The following ATRN variants were observed in gnomAD, a reference collection of about 807,000 sequenced individuals.
ATRN encodes the protein attractin.
A neutral mutation model predicts 178.7 loss-of-function variants in ATRN; 54 were observed. That is an observed-to-expected ratio of 0.30 (90% confidence interval 0.24 to 0.38). The LOEUF is 0.38. ATRN is among the 10% of genes least tolerant of loss of function. The pLI is 1.00. For synonymous variants in ATRN, 636 were observed against 663.0 expected, an observed-to-expected ratio of 0.96 and a Z score of 0.63; for missense variants, 1,443 against 1,815.1, an observed-to-expected ratio of 0.79 and a Z score of 3.73.
chr20:3,541,669 A>G lies in ATRN; in HGVS notation c.608+1334A>G, dbSNP rs1381270443. On this transcript the variant is annotated intron_variant, in intron 3 of 28. Coordinates refer to ENST00000262919, the MANE Select transcript of ATRN (RefSeq NM_139321.3). ...AGGTACAGAAAAAATACAGTATTACAATCTCATGCAACCTCTGTCATATAT... is the reference window on the plus strand; with the variant it reads ...AGGTACAGAAAAAATACAGTATTACGATCTCATGCAACCTCTGTCATATAT... Among the ~76,000 whole-genome samples, 6 of 152,328 alleles carry G rather than the reference A, an allele frequency of 3.9e-5. No homozygotes were observed. The East Asian group carries it at 7.7e-4, about 20-fold the overall frequency.
chr20:3,495,841 T>C (rs1007681627), intron 1 of ATRN, among the ~76,000 whole-genome samples: 1 of 151,710 alleles, frequency 6.6e-6, no homozygotes, highest in Non-Finnish European at 1.5e-5. Flanking sequence ...AGGGGATCTA[T>C]AAATCTATAA....
At chr20:3,495,722 G>A (rs2084868832) in intron 1 of ATRN, among the ~76,000 whole-genome samples, 1 of 151,650 alleles carries the variant, frequency 6.6e-6, no homozygotes, top group Admixed American at 6.6e-5. Context: ...AAAAGGGAAG[G>A]AGGAATAGCT....
intron 20 of ATRN, 25 bp downstream of exon 20, chr20:3,594,597 C>T: frequency 6.3e-7 from 1 of 1,587,422 alleles, no homozygotes; most frequent in Non-Finnish European, 8.6e-7. Context: ...CCCTGGACCA[C>T]CAGGGAGGAC....
In ATRN at chr20:3,514,000, C is replaced by T. The variant is rs150495161; in HGVS notation, c.411-21253C>T. Reference sequence around the variant, plus strand: ...AGCTTAAGGAGATTTTGGGCTGAGACGATGGGGTTTTCTAGATATACAATC... The same window carrying T: ...AGCTTAAGGAGATTTTGGGCTGAGATGATGGGGTTTTCTAGATATACAATC... On this transcript the variant is annotated intron_variant, in intron 1 of 28. Transcript: ENST00000262919. Among the ~76,000 whole-genome samples, 375 of 152,182 alleles carry T rather than the reference C, an allele frequency of 2.5e-3. 2 individuals are homozygous for T. The highest frequency in any genetic ancestry group is 8.3e-3 in the African/African-American group (346 of 41,514).
chr20:3,572,021 TC>T (rs1477725011), intron 11 of ATRN, among the ~76,000 whole-genome samples: 3 of 152,166 alleles, frequency 2.0e-5, no homozygotes, highest in Non-Finnish European at 4.4e-5. Context: ...TTTATTTTTT[TC>T]CATATGTTTA....
intron 25 of ATRN, among the ~76,000 whole-genome samples, chr20:3,631,572 T>C (rs566366988): frequency 6.6e-6 from 1 of 152,238 alleles, no homozygotes; most frequent in East Asian, 1.9e-4. Context: ...CTGTAGCTTC[T>C]TGTAGCTGGA....
intron 4 of ATRN, 59 bp from the exon 5 acceptor site, chr20:3,547,225 T>G: frequency 1.5e-6 from 2 of 1,333,666 alleles, no homozygotes; most frequent in East Asian, 4.7e-5. Flanking sequence ...GAGGAAGTTA[T>G]GCTAAGTTAA....
intron 3 of ATRN, among the ~76,000 whole-genome samples, chr20:3,544,350 G>T (rs947718485): frequency 6.6e-6 from 1 of 152,078 alleles, no homozygotes; most frequent in South Asian, 2.1e-4. Context: ...GCTGTGGTTC[G>T]CATTCTTGTA....
Position 3,500,075 on chromosome 20 carries a change from A to G in ATRN, c.410+28558A>G, listed in dbSNP as rs2084936137. Among the ~76,000 whole-genome samples the G allele has an allele frequency of 2.0e-5, 3 of 152,234 alleles. No homozygotes were observed. The South Asian group carries it at 6.2e-4, about 31-fold the overall frequency. ...AGACATTTATGCAGCCAAAAAACACATGAAAAAATGCTCACCATCCCTGGC... is the reference window on the plus strand; with the variant it reads ...AGACATTTATGCAGCCAAAAAACACGTGAAAAAATGCTCACCATCCCTGGC... On this transcript the variant is annotated intron_variant, in intron 1 of 28. Coordinates refer to ENST00000262919, the MANE Select transcript of ATRN (RefSeq NM_139321.3).
chr20:3,628,154 A>C (rs1406861370), intron 25 of ATRN, among the ~76,000 whole-genome samples: 1 of 152,220 alleles, frequency 6.6e-6, no homozygotes, highest in Non-Finnish European at 1.5e-5. Context: ...CCTGGGCAAC[A>C]GTGCGAGACT....
At chr20:3,515,637 C>T (rs2085196798) in intron 1 of ATRN, among the ~76,000 whole-genome samples, 1 of 152,144 alleles carries the variant, frequency 6.6e-6, no homozygotes, top group Non-Finnish European at 1.5e-5. Flanking sequence ...TCAAAGTAGA[C>T]AACTTTCAAC....
Position 3,613,989 on chromosome 20 carries a change from C to G in ATRN, c.3801+9727C>G, listed in dbSNP as rs552265508. ...AATACTAAACTCAAGTTCCTTCACTCTGAACCAATCCCAGGATTCTTTTCC... is the reference window on the plus strand; with the variant it reads ...AATACTAAACTCAAGTTCCTTCACTGTGAACCAATCCCAGGATTCTTTTCC... On this transcript the variant is annotated intron_variant, in intron 24 of 28. Transcript: ENST00000262919. Among the ~76,000 whole-genome samples, 49 of 152,332 alleles carry G rather than the reference C, an allele frequency of 3.2e-4. No homozygotes were observed. In the South Asian group the frequency reaches 9.9e-3, roughly 31 times the overall value.
At chr20:3,640,794 G>T (rs2087061727) in intron 27 of ATRN, among the ~76,000 whole-genome samples, 1 of 152,174 alleles carries the variant, frequency 6.6e-6, no homozygotes, top group Admixed American at 6.5e-5. Flanking sequence ...GAGTCTCAAA[G>T]ACATATTTGA....
intron 6 of ATRN, among the ~76,000 whole-genome samples, chr20:3,555,096 G>A (rs1334528819): frequency 2.1e-5 from 3 of 141,250 alleles, no homozygotes; most frequent in East Asian, 4.5e-4. Context: ...CGCCCCCTGG[G>A]GTTCACGCCA....
chr20:3,530,229 A>G (rs187891766), intron 1 of ATRN, among the ~76,000 whole-genome samples: 10 of 147,688 alleles, frequency 6.8e-5, no homozygotes, highest in Non-Finnish European at 1.0e-4. Flanking sequence ...ATATATATAT[A>G]TAATATATAT....
chr20:3,599,813 T>C (rs2146284688), intron 22 of ATRN, among the ~76,000 whole-genome samples: 1 of 152,320 alleles, frequency 6.6e-6, no homozygotes, highest in African/African-American at 2.4e-5. Context: ...TAAATACAAA[T>C]AAGTAAACAC....
chr20:3,630,584 T>G (rs951617597), intron 25 of ATRN, among the ~76,000 whole-genome samples: 6 of 152,204 alleles, frequency 3.9e-5, no homozygotes, highest in Non-Finnish European at 8.8e-5. Flanking sequence ...AAGATGGCCC[T>G]GCTGCCAAGT....
intron 12 of ATRN, among the ~76,000 whole-genome samples, chr20:3,575,572 A>G (rs2086197648): frequency 6.6e-6 from 1 of 152,064 alleles, no homozygotes; most frequent in Non-Finnish European, 1.5e-5. Context: ...CTTTCATTAT[A>G]TCTTACAGTT....
At chr20:3,492,869 G>A (rs1313766739) in intron 1 of ATRN, among the ~76,000 whole-genome samples, 2 of 108,502 alleles carry the variant, frequency 1.8e-5, no homozygotes, top group South Asian at 2.4e-4. Flanking sequence ...GCGCGCGCGT[G>A]CGCACGCACA....
Sources: gnomAD v4.1 joint callset for allele counts (sites outside exome capture counted in the v4.1 genomes callset) on GRCh38, gnomAD v4.1.1 for gene constraint, MANE v1.5 for transcripts, NCBI Gene and HGNC (gene_info 2026-07-23, HGNC 2026-07-21) for gene names.